Variants in GPD1L observed in about 807,000 individuals in gnomAD.
GPD1L encodes the protein glycerol-3-phosphate dehydrogenase 1 like.
Under a neutral mutation model 32.9 loss-of-function variants are expected in GPD1L, and 17 were observed. The observed-to-expected ratio is 0.52, with a 90% CI of 0.35 to 0.78. The LOEUF is 0.78. Ranked by LOEUF, GPD1L falls within the 30% of genes least tolerant of loss-of-function variation. The probability of loss-of-function intolerance (pLI) is 0.01; values close to 1 mark genes in which losing one functional copy is unlikely to be tolerated. For synonymous variants in GPD1L, 187 were observed against 165.9 expected (o/e 1.13, Z -0.98); for missense variants, 361 against 447.8 (o/e 0.81, Z 1.75).
intron 2 of GPD1L, among the ~76,000 whole-genome samples, chr3:32,134,248 C>T (rs958149439): frequency 4.6e-5 from 7 of 152,142 alleles, no homozygotes; most frequent in African/African-American, 7.2e-5. Flanking sequence ...TGTTCTGATA[C>T]GGTGTAAGAG....
chr3:32,135,462 G>GT (rs200822415), intron 2 of GPD1L, among the ~76,000 whole-genome samples: 9,513 of 151,732 alleles, frequency 0.063, 729 homozygotes, highest in East Asian at 0.25. Context: ...GTTTTGTTTT[G>GT]TTTTTTTTGA....
chr3:32,143,059 C>G (rs1319203790), intron 4 of GPD1L, among the ~76,000 whole-genome samples: 1 of 151,936 alleles, frequency 6.6e-6, no homozygotes, highest in Non-Finnish European at 1.5e-5. Context: ...TAGTACATAC[C>G]TGTAGTCCCA....
chr3:32,138,613 T>C lies in GPD1L; in HGVS notation c.252T>C (p.Ala84=), dbSNP rs751900212. 1 of 1,614,074 alleles carries C rather than the reference T, an allele frequency of 6.2e-7. No homozygotes were observed. The highest frequency in any genetic ancestry group is 1.1e-5 in the South Asian group (1 of 91,078). The part of the protein sequence containing the change: ...NVVAMSNLSE[A]VQDADLLVFV... ...TTGCCATGTCAAATCTTAGCGAGGC[T>C]GTGCAGGATGCAGACCTGCTGGTGT... is the stretch of plus-strand genomic sequence containing the variant. Residue 84 remains alanine (A), a synonymous_variant, in exon 3 of 8, where the codon GCT becomes GCC. Coordinates refer to ENST00000282541, the MANE Select transcript of GPD1L (RefSeq NM_015141.4).
intron 1 of GPD1L, among the ~76,000 whole-genome samples, chr3:32,121,245 C>T (rs1165659179): frequency 6.6e-6 from 1 of 151,796 alleles, no homozygotes; most frequent in South Asian, 2.1e-4. Context: ...CTTCCCTTAA[C>T]CTGTCTCCTC....
At chr3:32,112,530 G>A (rs540762717) in intron 1 of GPD1L, among the ~76,000 whole-genome samples, 1 of 152,240 alleles carries the variant, frequency 6.6e-6, no homozygotes, top group African/African-American at 2.4e-5. Flanking sequence ...CCACCCACTT[G>A]GGAGGCTAAG....
rs145693542 is a variant in GPD1L at position 32,121,818 on chromosome 3, T to C, written c.48-6258T>C. On this transcript the variant is annotated intron_variant, in intron 1 of 7. Coordinates refer to ENST00000282541, the MANE Select transcript of GPD1L (RefSeq NM_015141.4). ...CAGAGTTTTGCTCTTTTGCCGAGGC[T>C]GGAGTGCAGTGGTGTGATTTCAGCT... Among the ~76,000 whole-genome samples, 4 of 149,482 alleles carry C rather than the reference T, an allele frequency of 2.7e-5. No homozygotes were observed. In the East Asian group the frequency reaches 5.8e-4, roughly 22 times the overall value.
chr3:32,157,957 T>C (rs1701017808), intron 5 of GPD1L, among the ~76,000 whole-genome samples: 1 of 152,176 alleles, frequency 6.6e-6, no homozygotes, highest in Admixed American at 6.5e-5. Flanking sequence ...TGGGGATTAT[T>C]AAATGAAGCA....
chr3:32,125,379 C>T (rs1002063979), intron 1 of GPD1L, among the ~76,000 whole-genome samples: 2 of 152,248 alleles, frequency 1.3e-5, no homozygotes, highest in African/African-American at 2.4e-5. Context: ...CAGGCTCACT[C>T]ATGTGTCTGC....
chr3:32,121,194 C>T (rs528025355), intron 1 of GPD1L, among the ~76,000 whole-genome samples: 43 of 152,114 alleles, frequency 2.8e-4, no homozygotes, highest in Admixed American at 1.3e-3. Context: ...CTTAGTCTCC[C>T]TGATCCTTTC....
chr3:32,127,460 G>T (rs923945846), intron 1 of GPD1L, among the ~76,000 whole-genome samples: 1 of 152,194 alleles, frequency 6.6e-6, no homozygotes, highest in Non-Finnish European at 1.5e-5. Flanking sequence ...AACAAATCAG[G>T]GTCATTCTTG....
chr3:32,163,776 C>G lies in GPD1L; in HGVS notation c.960-2038C>G, dbSNP rs537101086. On this transcript the variant is annotated intron_variant, in intron 7 of 7. Transcript: ENST00000282541. ...ACACTTCATATCTCTTGTTAACATC[C>G]CTTCCACAGAATGCACTTTGGAAAT... is the stretch of plus-strand genomic sequence containing the variant. Among the ~76,000 whole-genome samples, 128 of 152,290 alleles carry G rather than the reference C, an allele frequency of 8.4e-4. 1 individual carries two copies. The highest frequency in any genetic ancestry group is 4.4e-5 in the Non-Finnish European group (3 of 68,034).
At chr3:32,154,517 C>T (rs113714233) in intron 5 of GPD1L, among the ~76,000 whole-genome samples, 6 of 152,110 alleles carry the variant, frequency 3.9e-5, no homozygotes, top group East Asian at 1.9e-4. Context: ...CTGGACTCTG[C>T]GGTGGCCTCT....
At position 32,138,620 on chromosome 3, in the gene GPD1L, G is replaced by T; in HGVS notation, c.259G>T (p.Asp87Tyr). ...AMSNLSEAVQ[D>Y]ADLLVFVIPH... ...GTCAAATCTTAGCGAGGCTGTGCAGGATGCAGACCTGCTGGTGTTTGTCAT... is the reference window on the plus strand; with the variant it reads ...GTCAAATCTTAGCGAGGCTGTGCAGTATGCAGACCTGCTGGTGTTTGTCAT... The change falls in exon 3 of 8, where the codon GAT becomes TAT. Residue 87 changes from aspartate (D) to tyrosine (Y), a missense_variant. By Grantham distance (160) the Asp-to-Tyr change is radical (BLOSUM62 -3). Coordinates refer to ENST00000282541, the MANE Select transcript of GPD1L (RefSeq NM_015141.4). The T allele has an allele frequency of 6.2e-7, 1 of 1,614,016 alleles. No homozygotes were observed. Among genetic ancestry groups the T allele is most frequent in the Non-Finnish European group, 8.5e-7 (1 of 1,179,906 alleles).
At chr3:32,146,260 G>A (rs1184275522) in intron 4 of GPD1L, among the ~76,000 whole-genome samples, 1 of 151,686 alleles carries the variant, frequency 6.6e-6, no homozygotes, top group Non-Finnish European at 1.5e-5. Context: ...CTAATTTTTT[G>A]TATTTTTAGT....
At chr3:32,149,688 C>G (rs935384106) in intron 5 of GPD1L, among the ~76,000 whole-genome samples, 1 of 152,230 alleles carries the variant, frequency 6.6e-6, no homozygotes, top group Non-Finnish European at 1.5e-5. Flanking sequence ...TGGCTCACAC[C>G]TGTAATCCCA....
At chr3:32,150,620 G>A (rs1221288054) in intron 5 of GPD1L, among the ~76,000 whole-genome samples, 1 of 151,904 alleles carries the variant, frequency 6.6e-6, no homozygotes, top group African/African-American at 2.4e-5. Flanking sequence ...CCAAGTAGCT[G>A]GGATTACAGG....
chr3:32,111,265 A>T (rs755177611), intron 1 of GPD1L, among the ~76,000 whole-genome samples: 2 of 152,228 alleles, frequency 1.3e-5, no homozygotes, highest in South Asian at 4.1e-4. Flanking sequence ...TTTACAGCCA[A>T]ACCCTTGTGA....
At chr3:32,140,155 A>G in intron 3 of GPD1L, 73 bp from the exon 4 acceptor site, 2 of 1,503,766 alleles carry the variant, frequency 1.3e-6, no homozygotes, top group Non-Finnish European at 1.8e-6. Flanking sequence ...TTGTGTAGCC[A>G]TGGGACATCT....
chr3:32,136,200 G>A (rs139319156), intron 2 of GPD1L, among the ~76,000 whole-genome samples: 1 of 152,246 alleles, frequency 6.6e-6, no homozygotes, highest in Non-Finnish European at 1.5e-5. Context: ...TGGTAGCCCC[G>A]TGGCGTAGGT....
Sources: allele counts gnomAD v4.1 joint callset (sites outside exome capture counted in the v4.1 genomes callset), GRCh38; gene constraint gnomAD v4.1.1; transcripts MANE v1.5; gene names NCBI Gene and HGNC (gene_info 2026-07-23, HGNC 2026-07-21).